The following ROCK2 variants were observed in gnomAD, a reference collection of about 807,000 sequenced individuals.
ROCK2 encodes the protein rho-associated protein kinase 2.
A neutral mutation model predicts 195.1 loss-of-function variants in ROCK2; 61 were observed. The ratio of observed to expected loss-of-function variants is 0.31; its 90% CI spans 0.25 to 0.39. The LOEUF (loss-of-function observed/expected upper bound fraction) is 0.39. Ranked by LOEUF, ROCK2 falls within the 10% of genes least tolerant of loss-of-function variation. The pLI is 1.00. For missense variants in ROCK2, 1,109 were observed against 1,637.4 expected, an observed-to-expected ratio of 0.68 and a Z score of 5.57; for synonymous variants, 504 against 545.5, an observed-to-expected ratio of 0.92 and a Z score of 1.06.
In ROCK2 at chr2:11,227,417, T is replaced by G. The variant is rs183716370; in HGVS notation, c.724-19A>C. The G allele has an allele frequency of 3.6e-3, 5,698 of 1,594,680 alleles. 15 individuals are homozygous for G. Among genetic ancestry groups the G allele is most frequent in the Non-Finnish European group, 4.4e-3 (5,124 of 1,172,480 alleles). On this transcript the variant is annotated intron_variant, in intron 5 of 32. Transcript: ENST00000315872. ...TGCCTGTCTGCATGAACAGGAGAGATAAAGAAAAAACAGTTCAGTGTAAAA... is the reference window on the plus strand; with the variant it reads ...TGCCTGTCTGCATGAACAGGAGAGAGAAAGAAAAAACAGTTCAGTGTAAAA...
At chr2:11,184,540 AACT>A (rs1663120449) in intron 32 of ROCK2, 3 of 727,678 alleles carry the variant, frequency 4.1e-6, no homozygotes, top group Admixed American at 6.3e-5. Flanking sequence ...ACTTTTCGAA[AACT>A]ACTTTTAACT....
At chr2:11,250,636 G>A (rs1244864435) in intron 3 of ROCK2, among the ~76,000 whole-genome samples, 3 of 152,102 alleles carry the variant, frequency 2.0e-5, no homozygotes, top group Admixed American at 2.0e-4. Context: ...ATGGTAAAAT[G>A]GTAGCTTCAT....
intron 3 of ROCK2, among the ~76,000 whole-genome samples, chr2:11,268,456 A>G (rs149126637): frequency 6.9e-6 from 1 of 144,566 alleles, no homozygotes; most frequent in East Asian, 2.1e-4. Flanking sequence ...CTCCGGATGT[A>G]ACAGTTTTAC....
intron 3 of ROCK2, among the ~76,000 whole-genome samples, chr2:11,268,478 GT>G (rs35000956): frequency 0.42 from 59,529 of 140,274 alleles, 13,353 homozygotes; most frequent in Admixed American, 0.56. Flanking sequence ...GTGTGTGTGT[GT>G]TTTTTTCCTT....
chr2:11,272,732 C>T (rs1572343543), intron 3 of ROCK2, among the ~76,000 whole-genome samples: 1 of 151,632 alleles, frequency 6.6e-6, no homozygotes, highest in Non-Finnish European at 1.5e-5. Flanking sequence ...TAGCCAGGCA[C>T]GGTGATGGGC....
At chr2:11,272,652 G>T (rs1259597226) in intron 3 of ROCK2, among the ~76,000 whole-genome samples, 1 of 152,040 alleles carries the variant, frequency 6.6e-6, no homozygotes, top group African/African-American at 2.4e-5. Context: ...GGCCGAGGCA[G>T]GTGGATCATT....
At chr2:11,187,589 G>A (rs1458917008) in intron 32 of ROCK2, among the ~76,000 whole-genome samples, 2 of 152,102 alleles carry the variant, frequency 1.3e-5, no homozygotes, top group Non-Finnish European at 2.9e-5. Flanking sequence ...CATTAATTTT[G>A]TATGGGGATG....
At chr2:11,324,394 C>T (rs1301633425) in intron 1 of ROCK2, among the ~76,000 whole-genome samples, 1 of 152,042 alleles carries the variant, frequency 6.6e-6, no homozygotes, top group East Asian at 1.9e-4. Flanking sequence ...CACTGCACTG[C>T]AGCGTGGCGA....
At position 11,211,812 on chromosome 2, in the gene ROCK2, G is replaced by A. The variant is rs2148060306; in HGVS notation, c.2072C>T (p.Thr691Ile). The A allele has an allele frequency of 6.2e-7, 1 of 1,603,744 alleles. No homozygotes were observed. Among genetic ancestry groups the A allele is most frequent in the East Asian group, 2.2e-5 (1 of 44,784 alleles). ...KEKSNMEIDM[T>I]YQLKVIQQSL... The stretch of plus-strand genomic sequence containing the variant: ...CTGCTGTATAACTTTTAGTTGGTAT[G>A]TCATATCTATTTCCATGTTGCTTTT... The change falls in exon 18 of 33, where the codon ACA becomes ATA. Residue 691 changes from threonine to isoleucine, a missense_variant. By Grantham distance (89) the Thr-to-Ile change is moderately conservative. This residue lies in a region of ROCK2 where 542 missense variants were observed against 672.0 expected (regional missense o/e 0.81). Coordinates refer to ENST00000315872, the MANE Select transcript of ROCK2 (RefSeq NM_004850.5).
At chr2:11,195,960 A>C (rs555984626) in intron 27 of ROCK2, among the ~76,000 whole-genome samples, 2 of 152,344 alleles carry the variant, frequency 1.3e-5, no homozygotes, top group East Asian at 3.9e-4. Context: ...ATGACATTTG[A>C]TCAATGTCTT....
At chr2:11,259,623 G>A (rs145944939) in intron 3 of ROCK2, among the ~76,000 whole-genome samples, 7 of 147,182 alleles carry the variant, frequency 4.8e-5, no homozygotes, top group Non-Finnish European at 1.0e-4. Context: ...TGTAGCTAAC[G>A]GTGTTTATAT....
At chr2:11,184,606 G>A (rs970128492) in intron 32 of ROCK2, 2 of 982,616 alleles carry the variant, frequency 2.0e-6, no homozygotes, top group Non-Finnish European at 2.4e-6. Flanking sequence ...AGCCCAAGTG[G>A]CAAACCACAT....
At chr2:11,207,477 T>C (rs1664094489) in intron 20 of ROCK2, among the ~76,000 whole-genome samples, 2 of 152,188 alleles carry the variant, frequency 1.3e-5, no homozygotes, top group Admixed American at 1.3e-4. Context: ...TCCCAGATAT[T>C]TTCTTCTGCC....
chr2:11,310,399 C>CCTA (rs144192845), intron 1 of ROCK2, among the ~76,000 whole-genome samples: 6,457 of 152,084 alleles, frequency 0.042, 272 homozygotes, highest in Non-Finnish European at 0.06. Context: ...AATTAACATG[C>CCTA]CTAATCACAT....
In ROCK2 at chr2:11,221,227, GA is replaced by G; in HGVS notation, c.1229del (p.Phe410SerfsTer13). 1 of 1,580,090 alleles carries G rather than the reference GA, an allele frequency of 6.3e-7. No individual in the cohort carries two copies. The highest frequency in any genetic ancestry group is 1.4e-5 in the African/African-American group (1 of 73,376). On this transcript the variant is annotated frameshift_variant, in exon 9 of 33. Transcript: ENST00000315872. LOFTEE classifies it high-confidence loss of function. Reference sequence around the variant, plus strand: ...TTTCTCTATAGTAGGTAAATCCGATGAAAGGCAGCTGATTTCCAACAAAAGC... The same window carrying G: ...TTTCTCTATAGTAGGTAAATCCGATGAAGGCAGCTGATTTCCAACAAAAGC... ...PKAFVGNQLP[F>X]IGFTYYRENL...
intron 3 of ROCK2, among the ~76,000 whole-genome samples, chr2:11,284,395 C>A (rs1295169252): frequency 6.6e-6 from 1 of 152,108 alleles, no homozygotes; most frequent in African/African-American, 2.4e-5. Context: ...TAAACTATGA[C>A]AATGGGTGAG....
intron 3 of ROCK2, among the ~76,000 whole-genome samples, chr2:11,280,790 A>C (rs1472094734): frequency 6.6e-6 from 1 of 152,216 alleles, no homozygotes; most frequent in African/African-American, 2.4e-5. Flanking sequence ...TCCAAAACAG[A>C]AAGCATGAGG....
At chr2:11,317,582 A>ATCTATC (rs1167098221) in intron 1 of ROCK2, among the ~76,000 whole-genome samples, 1 of 11,422 alleles carries the variant, frequency 8.8e-5, no homozygotes, top group African/African-American at 2.9e-4. Context: ...ACATTTATAT[A>ATCTATC]TATATATATA....
intron 12 of ROCK2, among the ~76,000 whole-genome samples, chr2:11,216,573 C>A (rs1664437665): frequency 6.7e-6 from 1 of 149,898 alleles, no homozygotes; most frequent in Admixed American, 6.6e-5. Context: ...TGCAGTGGCG[C>A]AATCTCAGCT....
Sources: allele counts gnomAD v4.1 joint callset (sites outside exome capture counted in the v4.1 genomes callset), GRCh38; gene constraint gnomAD v4.1.1; regional missense constraint gnomAD v4.1.1; transcripts MANE v1.5; gene names NCBI Gene and HGNC (gene_info 2026-07-23, HGNC 2026-07-21).